The following PCBD2 variants were observed in gnomAD, a reference collection of about 807,000 sequenced individuals.
PCBD2 encodes the protein pterin-4 alpha-carbinolamine dehydratase 2, also known as pterin-4-alpha-carbinolamine dehydratase 2.
PCBD2 carries 12 observed loss-of-function variants against 16.4 expected under a neutral mutation model. The ratio of observed to expected loss-of-function variants is 0.73; its 90% CI spans 0.47 to 1.19. The LOEUF (loss-of-function observed/expected upper bound fraction) is 1.19. Among genes scored for constraint, PCBD2 ranks in the 50% most tolerant of loss-of-function variants. The probability of loss-of-function intolerance (pLI) is 0.00; values close to 1 mark genes in which losing one functional copy is unlikely to be tolerated. For missense variants in PCBD2, 138 were observed against 156.8 expected, an observed-to-expected ratio of 0.88 and a Z score of 0.64; for synonymous variants, 58 against 61.8, an observed-to-expected ratio of 0.94 and a Z score of 0.29.
intron 2 of PCBD2, among the ~76,000 whole-genome samples, chr5:134,939,339 TG>T (rs1260448116): frequency 1.3e-5 from 2 of 150,114 alleles, no homozygotes; most frequent in African/African-American, 2.5e-5. Flanking sequence ...GATGTTTTGT[TG>T]TTTTTTTTTT....
chr5:134,944,267 G>T (rs1057079946), intron 2 of PCBD2, among the ~76,000 whole-genome samples: 30 of 152,178 alleles, frequency 2.0e-4, no homozygotes, highest in African/African-American at 7.2e-4. Context: ...TTTGGACCTT[G>T]GAGAAACTTT....
At chr5:134,906,722 A>G (rs1339323204) in intron 1 of PCBD2, among the ~76,000 whole-genome samples, 1 of 152,146 alleles carries the variant, frequency 6.6e-6, no homozygotes, top group African/African-American at 2.4e-5. Flanking sequence ...AAGATCTGTA[A>G]TCTAAGCCTT....
chr5:134,927,008 A>G (rs76324589), intron 2 of PCBD2: 1 of 398,342 alleles, frequency 2.5e-6, no homozygotes, highest in Non-Finnish European at 4.4e-6. Context: ...CTTGAGAGAG[A>G]ATTATGATGC....
At chr5:134,926,454 G>A in intron 2 of PCBD2, 1 of 393,906 alleles carries the variant, frequency 2.5e-6, no homozygotes, top group Non-Finnish European at 4.5e-6. Flanking sequence ...TAGCGTACAT[G>A]GTTATTACTT....
intron 2 of PCBD2, among the ~76,000 whole-genome samples, chr5:134,915,242 G>A (rs900593730): frequency 5.3e-5 from 8 of 150,166 alleles, no homozygotes; most frequent in African/African-American, 1.7e-4. Context: ...TTGAACCTGG[G>A]AGGCGGAGGT....
intron 2 of PCBD2, among the ~76,000 whole-genome samples, chr5:134,954,134 T>A (rs1469470976): frequency 6.6e-6 from 1 of 151,988 alleles, no homozygotes; most frequent in Non-Finnish European, 1.5e-5. Context: ...ATTTTTAAAA[T>A]TTTTTTTGTA....
Position 134,910,410 on chromosome 5 carries a change from G to C in PCBD2, c.160G>C (p.Glu54Gln). 6.2e-7 allele frequency: 1 copy of C among 1,614,084 alleles called. No individual in the cohort carries two copies. Reference sequence around the variant, plus strand: ...TGACCTTAAAGCAGCAGGATGGTCGGAATTAAGTGAGAGAGATGCCATCTA... The same window carrying C: ...TGACCTTAAAGCAGCAGGATGGTCGCAATTAAGTGAGAGAGATGCCATCTA... ...ILDLKAAGWS[E>Q]LSERDAIYKE... is the part of the protein sequence containing the mutation. The change falls in exon 2 of 4, where the codon GAA becomes CAA. Residue 54 changes from glutamate to glutamine, a missense_variant. Physicochemically the swap from Glu to Gln is conservative, Grantham distance 29 (BLOSUM62 2). Coordinates refer to ENST00000254908, the MANE Select transcript of PCBD2 (RefSeq NM_032151.5).
intron 2 of PCBD2, among the ~76,000 whole-genome samples, chr5:134,918,736 C>T (rs77405719): frequency 2.5e-4 from 38 of 152,210 alleles, no homozygotes; most frequent in African/African-American, 8.7e-4. Flanking sequence ...CAAACTTTAC[C>T]TAAAGTGTGA....
chr5:134,917,589 T>C (rs1750849332), intron 2 of PCBD2, among the ~76,000 whole-genome samples: 1 of 152,254 alleles, frequency 6.6e-6, no homozygotes, highest in Admixed American at 6.5e-5. Context: ...TTCAGTCATA[T>C]TGGATGGAAT....
At chr5:134,908,380 C>A (rs938408258) in intron 1 of PCBD2, among the ~76,000 whole-genome samples, 2 of 151,398 alleles carry the variant, frequency 1.3e-5, no homozygotes, top group Non-Finnish European at 2.9e-5. Flanking sequence ...AAAAAGTATT[C>A]TCTGCTGGGC....
intron 2 of PCBD2, among the ~76,000 whole-genome samples, chr5:134,934,427 C>T (rs1027508762): frequency 3.3e-5 from 5 of 152,074 alleles, no homozygotes; most frequent in African/African-American, 9.7e-5. Context: ...TGGTATGCTC[C>T]GTGGTGTCTA....
intron 2 of PCBD2, chr5:134,928,364 T>C (rs1751046361): frequency 5.3e-6 from 2 of 374,876 alleles, no homozygotes; most frequent in Non-Finnish European, 9.6e-6. Context: ...TGAGTCGAAA[T>C]CATTCGTTTT....
At chr5:134,938,026 T>C (rs1751181086) in intron 2 of PCBD2, among the ~76,000 whole-genome samples, 1 of 152,240 alleles carries the variant, frequency 6.6e-6, no homozygotes, top group South Asian at 2.1e-4. Context: ...GGAATTTGAA[T>C]GGAATTGCTT....
intron 2 of PCBD2, among the ~76,000 whole-genome samples, chr5:134,957,017 C>G (rs1158879084): frequency 6.6e-6 from 1 of 152,208 alleles, no homozygotes; most frequent in Non-Finnish European, 1.5e-5. Flanking sequence ...ATATTCCCAG[C>G]ACTTTGGGAG....
chr5:134,942,024 G>T (rs529303843), intron 2 of PCBD2, among the ~76,000 whole-genome samples: 25 of 135,444 alleles, frequency 1.8e-4, no homozygotes, highest in Non-Finnish European at 3.0e-4. Flanking sequence ...CAGCTACTTG[G>T]GGGGGCTGAG....
At chr5:134,927,364 T>C in intron 2 of PCBD2, 5 of 398,402 alleles carry the variant, frequency 1.3e-5, no homozygotes, top group Non-Finnish European at 2.2e-5. Flanking sequence ...GACCCAGCGA[T>C]GGGGGCTTCG....
chr5:134,906,698 G>C (rs1230321400), intron 1 of PCBD2, among the ~76,000 whole-genome samples: 1 of 152,058 alleles, frequency 6.6e-6, no homozygotes, highest in Non-Finnish European at 1.5e-5. Flanking sequence ...TCAATGCTAG[G>C]TACCCTCACA....
chr5:134,923,714 G>A, intron 2 of PCBD2: 1 of 388,112 alleles, frequency 2.6e-6, no homozygotes, highest in Non-Finnish European at 4.6e-6. Flanking sequence ...CAATGTTTCA[G>A]GTTTCTAGGT....
chr5:134,911,515 G>A (rs879866822), intron 2 of PCBD2, among the ~76,000 whole-genome samples: 2 of 152,092 alleles, frequency 1.3e-5, no homozygotes, highest in African/African-American at 4.8e-5. Flanking sequence ...ATTGGGTGTC[G>A]GCATCTAGAA....
Sources: gnomAD v4.1 joint callset for allele counts (sites outside exome capture counted in the v4.1 genomes callset) on GRCh38, gnomAD v4.1.1 for gene constraint, MANE v1.5 for transcripts, NCBI Gene and HGNC (gene_info 2026-07-23, HGNC 2026-07-21) for gene names.